Variants in GABRG3 observed in about 807,000 individuals in gnomAD.
The protein encoded by GABRG3 is gamma-aminobutyric acid type A receptor subunit gamma3.
In GABRG3, 25 loss-of-function variants were observed where a neutral mutation model predicts 48.8. The observed-to-expected ratio is 0.51, with a 90% CI of 0.37 to 0.72. The LOEUF is 0.72. Ranked by LOEUF, GABRG3 falls within the 30% of genes least tolerant of loss-of-function variation. The probability of loss-of-function intolerance (pLI) is 0.00; values close to 1 mark genes in which losing one functional copy is unlikely to be tolerated. For synonymous variants in GABRG3, 227 were observed against 217.6 expected, an observed-to-expected ratio of 1.04 and a Z score of -0.38; for missense variants, 394 against 577.9, an observed-to-expected ratio of 0.68 and a Z score of 3.26.
chr15:27,216,377 A>G (rs1889246972), intron 3 of GABRG3, among the ~76,000 whole-genome samples: 1 of 152,214 alleles, frequency 6.6e-6, no homozygotes, highest in Non-Finnish European at 1.5e-5. Context: ...CAGCTAGCTC[A>G]GCCCAGCACC....
At position 26,976,917 on chromosome 15, in the gene GABRG3, C is replaced by G; in HGVS notation, c.54-85C>G. Reference sequence around the variant, plus strand: ...GGTACTGGGGACTTTCTACCCATTTCATGGTACTTGGATAGGACAAACTTA... The same window carrying G: ...GGTACTGGGGACTTTCTACCCATTTGATGGTACTTGGATAGGACAAACTTA... On this transcript the variant is annotated intron_variant, in intron 1 of 9. Transcript: ENST00000615808. This position sits in a 1 kb window ranked among gnomAD's most constrained non-coding sequence, Gnocchi z 7.8. The G allele has an allele frequency of 7.1e-7, 1 of 1,414,810 alleles. No individual in the cohort carries two copies. The highest frequency in any genetic ancestry group is 9.8e-7 in the Non-Finnish European group (1 of 1,018,486). 87.6% of individuals were successfully genotyped at this position (1,414,810 alleles called of 1,614,324 possible).
At chr15:27,214,329 G>A (rs1889170073) in intron 3 of GABRG3, among the ~76,000 whole-genome samples, 1 of 152,234 alleles carries the variant, frequency 6.6e-6, no homozygotes, top group African/African-American at 2.4e-5. Context: ...TGCCGACAAG[G>A]CCCCTGTAAT....
intron 3 of GABRG3, among the ~76,000 whole-genome samples, chr15:27,186,761 T>C (rs1001413837): frequency 2.6e-5 from 4 of 152,202 alleles, no homozygotes; most frequent in Non-Finnish European, 5.9e-5. Context: ...TTACAAGTGA[T>C]GTTGGGCATT....
At chr15:27,182,684 C>T (rs1049896710) in intron 3 of GABRG3, among the ~76,000 whole-genome samples, 2 of 152,078 alleles carry the variant, frequency 1.3e-5, no homozygotes, top group Non-Finnish European at 2.9e-5. Context: ...CCCACAGGGC[C>T]GCCAAGCAAA....
intron 3 of GABRG3, among the ~76,000 whole-genome samples, chr15:27,247,384 C>T (rs778826902): frequency 3.3e-5 from 5 of 152,144 alleles, no homozygotes; most frequent in Non-Finnish European, 7.3e-5. Context: ...ACCACATTTT[C>T]TCTCCTGGTG....
chr15:27,307,555 AGG>A (rs1362483691), intron 3 of GABRG3, among the ~76,000 whole-genome samples: 8 of 93,562 alleles, frequency 8.6e-5, no homozygotes, highest in African/African-American at 2.6e-4. Context: ...ATAGGTTTAT[AGG>A]TTTATATATT....
At chr15:27,012,763 C>T (rs550690830) in intron 2 of GABRG3, among the ~76,000 whole-genome samples, 3 of 152,206 alleles carry the variant, frequency 2.0e-5, no homozygotes, top group African/African-American at 4.8e-5. Context: ...GTTTAATCTC[C>T]GTTTCACGCA....
chr15:27,519,988 G>A lies in GABRG3; in HGVS notation c.729G>A (p.Met243Ile). 1.3e-6 allele frequency: 2 copies of A among 1,562,808 alleles called. No individual in the cohort carries two copies. The highest frequency in any genetic ancestry group is 1.7e-6 in the Non-Finnish European group (2 of 1,152,574). ...TTATTACAGGTGATTATGTTGTCATGACTATATATTTTGAATTGAGTAGAA... is the reference window on the plus strand; with the variant it reads ...TTATTACAGGTGATTATGTTGTCATAACTATATATTTTGAATTGAGTAGAA... The part of the protein sequence containing the change: ...VTTSAGDYVV[M>I]TIYFELSRRM... Residue 243 changes from methionine (M) to isoleucine (I), a missense_variant, in exon 7 of 10, where the codon ATG (methionine) becomes ATA (isoleucine). Coordinates refer to ENST00000615808, the MANE Select transcript of GABRG3 (RefSeq NM_033223.5).
chr15:27,476,793 C>G (rs1281155472), intron 5 of GABRG3, among the ~76,000 whole-genome samples: 1 of 152,126 alleles, frequency 6.6e-6, no homozygotes, highest in African/African-American at 2.4e-5. Context: ...AAAAATTTGA[C>G]AAAACAATTC....
intron 3 of GABRG3, among the ~76,000 whole-genome samples, chr15:27,287,861 C>T (rs189334754): frequency 6.6e-5 from 10 of 151,286 alleles, no homozygotes; most frequent in Non-Finnish European, 1.5e-4. Flanking sequence ...GCCTCAGTCT[C>T]CCAAGTAGCT....
At chr15:27,332,497 G>A (rs1893835949) in intron 5 of GABRG3, among the ~76,000 whole-genome samples, 1 of 151,982 alleles carries the variant, frequency 6.6e-6, no homozygotes, top group Non-Finnish European at 1.5e-5. Context: ...TCACGCCACT[G>A]CACTCCAGCC....
chr15:27,277,690 G>A (rs1019869384), intron 3 of GABRG3, among the ~76,000 whole-genome samples: 1 of 152,072 alleles, frequency 6.6e-6, no homozygotes, highest in Non-Finnish European at 1.5e-5. Context: ...CTTCACAACA[G>A]TACCTATAAA....
chr15:27,137,744 A>G (rs1299013452), intron 3 of GABRG3, among the ~76,000 whole-genome samples: 2 of 152,176 alleles, frequency 1.3e-5, no homozygotes, highest in Admixed American at 6.5e-5. Flanking sequence ...TCCAAGGCAC[A>G]TGTGGTTTTT....
intron 5 of GABRG3, among the ~76,000 whole-genome samples, chr15:27,358,949 G>T (rs1270889361): frequency 6.6e-6 from 1 of 152,248 alleles, no homozygotes; most frequent in East Asian, 1.9e-4. Flanking sequence ...CCTGGTAAGA[G>T]GATCTAGGCT....
intron 5 of GABRG3, among the ~76,000 whole-genome samples, chr15:27,425,503 C>T (rs989138628): frequency 3.3e-5 from 5 of 150,086 alleles, no homozygotes; most frequent in African/African-American, 9.8e-5. Context: ...CCCAGCTACT[C>T]GGGAGGCTGA....
intron 3 of GABRG3, among the ~76,000 whole-genome samples, chr15:27,176,689 C>T (rs1208161104): frequency 1.3e-5 from 2 of 152,110 alleles, no homozygotes; most frequent in Non-Finnish European, 2.9e-5. Flanking sequence ...AGGTCCTGGG[C>T]TTTGTTACCC....
intron 5 of GABRG3, among the ~76,000 whole-genome samples, chr15:27,451,786 C>G (rs1956152140): frequency 6.6e-6 from 1 of 151,976 alleles, no homozygotes; most frequent in African/African-American, 2.4e-5. Flanking sequence ...AACTACACAC[C>G]TGATAAGAAG....
intron 3 of GABRG3, among the ~76,000 whole-genome samples, chr15:27,037,451 CTA>C (rs1896199296): frequency 6.6e-6 from 1 of 152,120 alleles, no homozygotes. Flanking sequence ...GTCTTATAGA[CTA>C]AGAGTTTGTA....
intron 3 of GABRG3, among the ~76,000 whole-genome samples, chr15:27,057,336 T>C (rs1268939821): frequency 1.3e-5 from 2 of 152,200 alleles, no homozygotes; most frequent in African/African-American, 4.8e-5. Flanking sequence ...CCATTTCTGC[T>C]CTTGTAGTTT....
Sources: allele counts gnomAD v4.1 joint callset (sites outside exome capture counted in the v4.1 genomes callset), GRCh38; gene constraint gnomAD v4.1.1; non-coding constraint Gnocchi (gnomAD v3.1); transcripts MANE v1.5; gene names NCBI Gene and HGNC (gene_info 2026-07-23, HGNC 2026-07-21).